MED1: variants seen among roughly 807,000 people sequenced by gnomAD.
MED1 encodes mediator of RNA polymerase II transcription subunit 1.
A neutral mutation model predicts 121.3 loss-of-function variants in MED1; 17 were observed. The ratio of observed to expected loss-of-function variants is 0.14; its 90% CI spans 0.10 to 0.21. MED1 has a LOEUF of 0.21. Ranked by LOEUF, MED1 falls within the 10% of genes least tolerant of loss-of-function variation. MED1 has a pLI of 1.00. For synonymous variants in MED1, 661 were observed against 694.4 expected (o/e 0.95, Z 0.76); for missense variants, 1,558 against 1,919.4 (o/e 0.81, Z 3.52).
chr17:39,411,187 C>T (rs545685637), intron 16 of MED1, among the ~76,000 whole-genome samples: 2 of 152,102 alleles, frequency 1.3e-5, no homozygotes, highest in Admixed American at 6.6e-5. Context: ...GGCGTGGTGG[C>T]GCGTGCCTGT....
chr17:39,432,636 C>A (rs1025058362), intron 7 of MED1, among the ~76,000 whole-genome samples: 1 of 151,714 alleles, frequency 6.6e-6, no homozygotes, highest in Admixed American at 6.6e-5. Flanking sequence ...CGCCTGTAGT[C>A]CCAGCTACTT....
At chr17:39,414,510 T>C (rs2048387482) in intron 16 of MED1, among the ~76,000 whole-genome samples, 1 of 151,520 alleles carries the variant, frequency 6.6e-6, no homozygotes, top group Non-Finnish European at 1.5e-5. Context: ...TAATTTTTTG[T>C]ATTTTTAATA....
rs2048561619 is a variant in MED1 at position 39,431,149 on chromosome 17, A to G, written c.615T>C (p.His205=). 2 of 1,613,844 alleles carry G rather than the reference A, an allele frequency of 1.2e-6. No individual in the cohort carries two copies. The highest frequency in any genetic ancestry group is 8.5e-7 in the Non-Finnish European group (1 of 1,179,732). Residue 205 remains histidine (H), a synonymous_variant, in exon 9 of 17, where the codon CAT becomes CAC. Coordinates refer to ENST00000300651, the MANE Select transcript of MED1 (RefSeq NM_004774.4). The part of the protein sequence containing the change: ...TNAGPLDKIL[H]GSVGYLTPRS... ...TTGGTGTGAGATAGCCAACACTTCC[A>G]TGAAGAATCTTATCCAAGGGACCAG...
At chr17:39,450,306 G>C (rs2144781688) in intron 1 of MED1, among the ~76,000 whole-genome samples, 1 of 152,236 alleles carries the variant, frequency 6.6e-6, no homozygotes, top group East Asian at 1.9e-4. Context: ...GAAACCTGCT[G>C]ATAAATATCT....
intron 6 of MED1, among the ~76,000 whole-genome samples, chr17:39,438,235 G>A (rs923532907): frequency 6.7e-6 from 1 of 150,144 alleles, no homozygotes; most frequent in African/African-American, 2.5e-5. Flanking sequence ...GCAGTGGCAC[G>A]ATCTCAGCAC....
intron 2 of MED1, among the ~76,000 whole-genome samples, chr17:39,446,738 C>T (rs1005545047): frequency 6.6e-6 from 1 of 151,436 alleles, no homozygotes; most frequent in East Asian, 1.9e-4. Context: ...CGCACCATTG[C>T]ACTCCAGCCT....
Position 39,406,998 on chromosome 17 carries a change from C to T in MED1, c.*477G>A, listed in dbSNP as rs1011529454. The T allele has an allele frequency of 1.9e-5, 19 of 986,522 alleles. No homozygotes were observed. The highest frequency in any genetic ancestry group is 5.2e-5 in the African/African-American group (3 of 57,220). 61.1% of individuals were successfully genotyped at this position (986,522 alleles called of 1,614,324 possible). A position where few individuals can be genotyped will look rare whatever the true frequency, so the allele number is the denominator to read the frequency against. On this transcript the variant is annotated 3_prime_UTR_variant, in exon 17 of 17. Transcript: ENST00000300651. ...GTCCTTCATTTGCCCATGACTCAAA[C>T]GGACAACTACCTCAAACAAAGTTGA...
chr17:39,443,819 A>T (rs2048701833), intron 2 of MED1, among the ~76,000 whole-genome samples, 191 bp from the exon 3 acceptor site: 1 of 152,178 alleles, frequency 6.6e-6, no homozygotes, highest in South Asian at 2.1e-4. Context: ...CAAAATCCAT[A>T]TATATGAGTG....
Position 39,405,485 on chromosome 17 carries a change from A to G in MED1, c.*1990T>C, listed in dbSNP as rs1423334241. 1.4e-6 allele frequency: 2 copies of G among 1,405,478 alleles called. No individual in the cohort carries two copies. Among genetic ancestry groups the G allele is most frequent in the Non-Finnish European group, 1.8e-6 (2 of 1,081,490 alleles). 87.1% of individuals were successfully genotyped at this position (1,405,478 alleles called of 1,614,324 possible). Reference sequence around the variant, plus strand: ...TTTTTTTTTTTTTCCTGCAGAAACCAACGGGATAGGATTCAAAACTAGGTG... The same window carrying G: ...TTTTTTTTTTTTTCCTGCAGAAACCGACGGGATAGGATTCAAAACTAGGTG... On this transcript the variant is annotated 3_prime_UTR_variant, in exon 17 of 17. Coordinates refer to ENST00000300651, the MANE Select transcript of MED1 (RefSeq NM_004774.4).
rs536266077 is a variant in MED1 at position 39,442,085 on chromosome 17, A to G, written c.212-1408T>C. Among the ~76,000 whole-genome samples, 5 of 148,850 alleles carry G rather than the reference A, an allele frequency of 3.4e-5. No individual in the cohort carries two copies. In the South Asian group the frequency reaches 1.0e-3, roughly 31 times the overall value. On this transcript the variant is annotated intron_variant, in intron 3 of 16. Coordinates refer to ENST00000300651, the MANE Select transcript of MED1 (RefSeq NM_004774.4). ...GCCACTGCACTCCAGCCTGGACGACAGAGTGAGACACTGTCTCCAGAAAAA... is the reference window on the plus strand; with the variant it reads ...GCCACTGCACTCCAGCCTGGACGACGGAGTGAGACACTGTCTCCAGAAAAA...
rs2048663556 is a variant in MED1, at chr17:39,440,301, G to A, written c.399+85C>T. On this transcript the variant is annotated intron_variant, in intron 5 of 16. Coordinates refer to ENST00000300651, the MANE Select transcript of MED1 (RefSeq NM_004774.4). The surrounding 1 kb of genome is among the most constrained non-coding windows in gnomAD (Gnocchi z 4.1). ...GGCTCATGGAAAAACCTAAACCCAA[G>A]CTATTTAAACCCCAACAATTAATTT... 7.2e-7 allele frequency: 1 copy of A among 1,379,986 alleles called. No individual in the cohort carries two copies. The highest frequency in any genetic ancestry group is 9.7e-7 in the Non-Finnish European group (1 of 1,034,634). 85.5% of individuals were successfully genotyped at this position (1,379,986 alleles called of 1,614,324 possible).
rs761495079 is a variant in MED1 at position 39,407,675 on chromosome 17, G to T, written c.4546C>A (p.Arg1516=). 7 of 1,613,774 alleles carry T rather than the reference G, an allele frequency of 4.3e-6. No homozygotes were observed. In the Admixed American group the frequency reaches 1.0e-4, roughly 23 times the overall value. ...KVKDKDRDRD[R]DKDRDKKKSH... ...TTTTTCTTGTCTCGGTCTTTGTCCC[G>T]GTCTCGGTCCCTATCTTTGTCTTTT... Residue 1516 remains arginine, a synonymous_variant, in exon 17 of 17, where the codon CGG becomes AGG. Transcript: ENST00000300651.
At chr17:39,429,681 G>A (rs12940109) in intron 9 of MED1, among the ~76,000 whole-genome samples, 6,537 of 115,890 alleles carry the variant, frequency 0.056, 539 homozygotes, top group African/African-American at 0.2. Flanking sequence ...GGGAGACAGA[G>A]CAAGACTCTG....
chr17:39,409,464 C>T lies in MED1; in HGVS notation c.2757G>A (p.Lys919=), dbSNP rs1444852190. ...TGTCGGCTTGGTTATTGCCCTTAAA[C>T]TTGGTCTCCCCATTATCACCTCCAA... ...PMLGGDNGET[K]FKGNNQADTV... is the part of the protein sequence containing the mutation. The change falls in exon 17 of 17, where the codon AAG becomes AAA. Residue 919 remains lysine (K), a synonymous_variant. Coordinates refer to ENST00000300651, the MANE Select transcript of MED1 (RefSeq NM_004774.4). 1 of 1,614,110 alleles carries T rather than the reference C, an allele frequency of 6.2e-7. No individual in the cohort carries two copies. Among genetic ancestry groups the T allele is most frequent in the African/African-American group, 1.3e-5 (1 of 75,002 alleles).
intron 2 of MED1, among the ~76,000 whole-genome samples, chr17:39,447,219 C>T (rs551540581): frequency 6.6e-6 from 1 of 151,722 alleles, no homozygotes; most frequent in Non-Finnish European, 1.5e-5. Context: ...GGAGAAACCC[C>T]GTCTCTACAA....
In MED1 at chr17:39,440,666, G is replaced by A. The variant is rs1408724604; in HGVS notation, c.223C>T (p.Pro75Ser). 5 of 1,612,678 alleles carry A rather than the reference G, an allele frequency of 3.1e-6. No individual in the cohort carries two copies. The East Asian group carries it at 8.9e-5, about 29-fold the overall frequency. ...GACTCCAAACGATCAGTCATTGCTGGTAAAGATGTTACTATAAAAGGATGA... is the reference window on the plus strand; with the variant it reads ...GACTCCAAACGATCAGTCATTGCTGATAAAGATGTTACTATAAAAGGATGA... ...LQKALKVTSL[P>S]AMTDRLESIA... is the part of the protein sequence containing the mutation. Residue 75 changes from proline to serine, a missense_variant, in exon 4 of 17, where the codon CCA becomes TCA. By Grantham distance (74) the Pro-to-Ser change is moderately conservative. Coordinates refer to ENST00000300651, the MANE Select transcript of MED1 (RefSeq NM_004774.4). The surrounding 1 kb of genome is among the most constrained non-coding windows in gnomAD (Gnocchi z 4.1).
rs1241269732 is a variant in MED1 at position 39,409,766 on chromosome 17, T to A, written c.2455A>T (p.Thr819Ser). The change falls in exon 17 of 17, where the codon ACC becomes TCC. Residue 819 changes from threonine to serine, a missense_variant. Thr to Ser is a moderately conservative substitution (Grantham distance 58, BLOSUM62 1). Around this residue, in one of 5 missense-constraint regions of MED1, gnomAD observed 793 missense variants for 898.2 expected, o/e 0.88. Coordinates refer to ENST00000300651, the MANE Select transcript of MED1 (RefSeq NM_004774.4). ...TGAAAGACATCAGAGTCAAACAGGG[T>A]ACTCTGAGAATGCCCAGAGCTTGAA... ...DSSSSGHSQS[T>S]LFDSDVFQTN... 1.2e-6 allele frequency: 2 copies of A among 1,613,942 alleles called. No individual in the cohort carries two copies. Among genetic ancestry groups the A allele is most frequent in the Admixed American group, 3.3e-5 (2 of 59,984 alleles).
At chr17:39,437,488 C>G (rs77312401) in intron 6 of MED1, among the ~76,000 whole-genome samples, 14,103 of 152,102 alleles carry the variant, frequency 0.093, 900 homozygotes, top group Non-Finnish European at 0.15. Flanking sequence ...AATGAAGAGG[C>G]CAGGGATGCT....
At chr17:39,444,415 G>A (rs2048706755) in intron 2 of MED1, among the ~76,000 whole-genome samples, 1 of 151,820 alleles carries the variant, frequency 6.6e-6, no homozygotes, top group South Asian at 2.1e-4. Flanking sequence ...GCTGAGGCAG[G>A]AGAATCACTT....
Sources: allele counts gnomAD v4.1 joint callset (sites outside exome capture counted in the v4.1 genomes callset), GRCh38; gene constraint gnomAD v4.1.1; regional missense constraint gnomAD v4.1.1; non-coding constraint Gnocchi (gnomAD v3.1); transcripts MANE v1.5; gene names NCBI Gene and HGNC (gene_info 2026-07-23, HGNC 2026-07-21).